Variants in RBBP5 observed in about 807,000 individuals in gnomAD.
RBBP5 encodes the protein retinoblastoma-binding protein 5.
Under a neutral mutation model 72.2 loss-of-function variants are expected in RBBP5, and 5 were observed. That is an observed-to-expected ratio of 0.07 (90% CI 0.04 to 0.15). RBBP5 has a LOEUF of 0.15. RBBP5 is among the 10% of genes least tolerant of loss of function. RBBP5 has a pLI of 1.00. For missense variants in RBBP5, 322 were observed against 652.2 expected, an observed-to-expected ratio of 0.49 and a Z score of 5.51; for synonymous variants, 209 against 237.2, an observed-to-expected ratio of 0.88 and a Z score of 1.09.
At position 205,105,542 on chromosome 1, in the gene RBBP5, A is replaced by C. The variant is rs1336619931; in HGVS notation, c.219-374T>G. On this transcript the variant is annotated intron_variant, in intron 3 of 13. Transcript: ENST00000264515. ...ATCATGGTATAAACAAAACAAAAAA[A>C]TGATAAGTATCTGTTATTTAAAATA... 7.9e-5 allele frequency among the ~76,000 whole-genome samples: 12 copies of C among 152,268 alleles called. 1 individual carries two copies. The highest frequency in any genetic ancestry group is 5.9e-4 in the Admixed American group (9 of 15,292).
chr1:205,117,608 C>A (rs1574721696), intron 1 of RBBP5, among the ~76,000 whole-genome samples: 1 of 151,372 alleles, frequency 6.6e-6, no homozygotes, highest in Admixed American at 6.6e-5. Context: ...TGCAGTGAGC[C>A]GAGGTCACAC....
intron 1 of RBBP5, among the ~76,000 whole-genome samples, chr1:205,121,637 G>A (rs2102345790): frequency 6.6e-6 from 1 of 152,186 alleles, no homozygotes. Flanking sequence ...TGTCCCCATC[G>A]CTCCATAATT....
chr1:205,107,583 G>A (rs532244564), intron 3 of RBBP5, among the ~76,000 whole-genome samples: 2 of 152,152 alleles, frequency 1.3e-5, no homozygotes, highest in Non-Finnish European at 2.9e-5. Flanking sequence ...AAAGATTAAA[G>A]GAAGGGTTTA....
intron 1 of RBBP5, among the ~76,000 whole-genome samples, chr1:205,117,429 G>A (rs1176741145): frequency 6.6e-6 from 1 of 151,894 alleles, no homozygotes; most frequent in Non-Finnish European, 1.5e-5. Flanking sequence ...GGGAAGCTGA[G>A]GCAGGTGGAT....
At chr1:205,095,127 A>G in intron 12 of RBBP5, 63 bp from the exon 13 acceptor site, 1 of 1,473,238 alleles carries the variant, frequency 6.8e-7, no homozygotes. Context: ...CCCAACCACA[A>G]CTTTGTTGAG....
rs1655222257 is a variant in RBBP5, at chr1:205,088,754, A to G, written c.*33T>C. ...CAGTGTCCAGAGGCCACATGATGGC[A>G]AAGTGAGAAAGAATGAAGAACTTCG... is the stretch of plus-strand genomic sequence containing the variant. On this transcript the variant is annotated 3_prime_UTR_variant, in exon 14 of 14. Coordinates refer to ENST00000264515, the MANE Select transcript of RBBP5 (RefSeq NM_005057.4). The G allele has an allele frequency of 1.3e-6, 2 of 1,576,976 alleles. No homozygotes were observed. Among genetic ancestry groups the G allele is most frequent in the Non-Finnish European group, 1.7e-6 (2 of 1,152,806 alleles).
At chr1:205,101,454 A>C in intron 6 of RBBP5, 146 bp downstream of exon 6, 1 of 552,214 alleles carries the variant, frequency 1.8e-6, no homozygotes, top group Non-Finnish European at 3.1e-6. Context: ...TGAACTCGAA[A>C]ACCAGATATT....
At chr1:205,121,816 C>T (rs1656747825) in intron 1 of RBBP5, 39 bp downstream of exon 1, 1 of 1,612,064 alleles carries the variant, frequency 6.2e-7, no homozygotes, top group Non-Finnish European at 8.5e-7. Flanking sequence ...CTTTCCAGTA[C>T]CCAACGCTTC....
chr1:205,093,458 C>CCAAAAAAAA (rs1553352080), intron 13 of RBBP5, among the ~76,000 whole-genome samples: 688 of 18,310 alleles, frequency 0.038, 155 homozygotes, highest in Middle Eastern at 0.12. Context: ...AACTCCGTTT[C>CCAAAAAAAA]AAAAAAAAAA....
At chr1:205,107,876 G>A (rs528459678) in intron 3 of RBBP5, among the ~76,000 whole-genome samples, 7 of 150,708 alleles carry the variant, frequency 4.6e-5, no homozygotes, top group South Asian at 2.1e-4. Context: ...AAACCAGGAG[G>A]CAGAGGTTGC....
In RBBP5 at chr1:205,100,022, G is replaced by A. The variant is rs764419557; in HGVS notation, c.795C>T (p.Tyr265=). 2 of 1,614,050 alleles carry A rather than the reference G, an allele frequency of 1.2e-6. No homozygotes were observed. The highest frequency in any genetic ancestry group is 2.2e-5 in the East Asian group (1 of 44,900). ...KKCCFSGDGE[Y]IVAGSARQHA... is the part of the protein sequence containing the mutation. ...GCTGCCGGGCAGAACCTGCCACGAT[G>A]TATTCCCCATCCCCAGAGAAACAAC... Residue 265 remains tyrosine (Y), a synonymous_variant, in exon 8 of 14, where the codon TAC becomes TAT. Transcript: ENST00000264515.
At chr1:205,093,525 TATATATATACACACAC>T (rs1655477788) in intron 13 of RBBP5, among the ~76,000 whole-genome samples, 2 of 14,134 alleles carry the variant, frequency 1.4e-4, no homozygotes, top group African/African-American at 9.6e-4. Flanking sequence ...TATATATATA[TATATATATACACACAC>T]ACACACACAC....
chr1:205,115,377 G>T (rs1441373773), intron 2 of RBBP5, among the ~76,000 whole-genome samples: 20 of 151,878 alleles, frequency 1.3e-4, no homozygotes, highest in Admixed American at 1.3e-3. Flanking sequence ...AAAAACCCTG[G>T]AATAGCCTAC....
intron 12 of RBBP5, among the ~76,000 whole-genome samples, chr1:205,095,846 G>A (rs1194657212): frequency 1.3e-5 from 2 of 152,154 alleles, no homozygotes; most frequent in African/African-American, 2.4e-5. Flanking sequence ...CACAGAAATC[G>A]ATAGCATCAG....
In RBBP5 at chr1:205,088,572, G is replaced by A. The variant is rs1246043863; in HGVS notation, c.*215C>T. The A allele has an allele frequency of 3.9e-6, 2 of 514,636 alleles. No individual in the cohort carries two copies. The highest frequency in any genetic ancestry group is 2.0e-5 in the African/African-American group (1 of 49,380). The allele number at this position is 514,636 out of a possible 1,614,324, so 31.9% of individuals were successfully genotyped here. A position where few individuals can be genotyped will look rare whatever the true frequency, so the allele number is the denominator to read the frequency against. On this transcript the variant is annotated 3_prime_UTR_variant, in exon 14 of 14. Transcript: ENST00000264515. ...TCTTCACAAATCTTCATTCCTGAGA[G>A]TCTATTTGGACTTATGCTTGAAAGG...
chr1:205,101,430 G>A (rs763100073), intron 6 of RBBP5, among the ~76,000 whole-genome samples, 170 bp downstream of exon 6: 16 of 152,080 alleles, frequency 1.1e-4, no homozygotes, highest in East Asian at 7.7e-4. Flanking sequence ...ATGTAACTAC[G>A]GCAGGAAATG....
At position 205,088,553 on chromosome 1, in the gene RBBP5, C is replaced by T; in HGVS notation, c.*234G>A. The T allele has an allele frequency of 2.0e-6, 1 of 495,716 alleles. No homozygotes were observed. Among genetic ancestry groups the T allele is most frequent in the South Asian group, 3.0e-5 (1 of 33,242 alleles). The allele number at this position is 495,716 out of a possible 1,614,324, so 30.7% of individuals were successfully genotyped here. A position where few individuals can be genotyped will look rare whatever the true frequency, so the allele number is the denominator to read the frequency against. The stretch of plus-strand genomic sequence containing the variant: ...TCAAAATTCCTATCTGATGTCTTCA[C>T]AAATCTTCATTCCTGAGAGTCTATT... On this transcript the variant is annotated 3_prime_UTR_variant, in exon 14 of 14. Transcript: ENST00000264515.
chr1:205,103,740 T>C, intron 5 of RBBP5, 117 bp downstream of exon 5: 1 of 1,181,424 alleles, frequency 8.5e-7, no homozygotes, highest in Non-Finnish European at 1.2e-6. Flanking sequence ...CTACATTTGC[T>C]GCAGAAAGGA....
intron 3 of RBBP5, among the ~76,000 whole-genome samples, chr1:205,108,406 A>G (rs1279904906): frequency 6.6e-6 from 1 of 152,246 alleles, no homozygotes; most frequent in Non-Finnish European, 1.5e-5. Flanking sequence ...AGGTTTCTAC[A>G]CTTCACTTGA....
Sources: gnomAD v4.1 joint callset for allele counts (sites outside exome capture counted in the v4.1 genomes callset) on GRCh38, gnomAD v4.1.1 for gene constraint, MANE v1.5 for transcripts, NCBI Gene and HGNC (gene_info 2026-07-23, HGNC 2026-07-21) for gene names.